ITPR1: variants seen among roughly 807,000 people sequenced by gnomAD.
The protein encoded by ITPR1 is inositol 1,4,5-trisphosphate receptor type 1.
Under a neutral mutation model 318.4 loss-of-function variants are expected in ITPR1, and 96 were observed. That is an observed-to-expected ratio of 0.30 (90% confidence interval 0.26 to 0.36). The LOEUF (loss-of-function observed/expected upper bound fraction) is 0.36, where lower values mean the gene tolerates loss of function less well. Among genes scored for constraint, ITPR1 ranks in the 10% least tolerant of loss-of-function variants. The pLI, the probability that ITPR1 is intolerant of heterozygous loss-of-function variation, is 1.00. For missense variants in ITPR1, 2,440 were observed against 3,460.2 expected, an observed-to-expected ratio of 0.71 and a Z score of 7.40; for synonymous variants, 1,312 against 1,289.9, an observed-to-expected ratio of 1.02 and a Z score of -0.37.
At chr3:4,797,245 T>C (rs2047959383) in intron 53 of ITPR1, among the ~76,000 whole-genome samples, 1 of 151,908 alleles carries the variant, frequency 6.6e-6, no homozygotes, top group South Asian at 2.1e-4. Flanking sequence ...CTTTTTTCCT[T>C]TTGTAAGATG....
At chr3:4,561,008 G>A in intron 4 of ITPR1, among the ~76,000 whole-genome samples, 1 of 152,162 alleles carries the variant, frequency 6.6e-6, no homozygotes, top group Admixed American at 6.5e-5. Flanking sequence ...GATGACTTAG[G>A]TCCTGTGTTC....
At chr3:4,607,693 G>C (rs1180742880) in intron 4 of ITPR1, among the ~76,000 whole-genome samples, 1 of 152,078 alleles carries the variant, frequency 6.6e-6, no homozygotes, top group East Asian at 1.9e-4. Context: ...TGGGGGTGCA[G>C]TCATACGGGT....
At chr3:4,789,792 G>GT (rs1164940927) in intron 52 of ITPR1, among the ~76,000 whole-genome samples, 1 of 152,014 alleles carries the variant, frequency 6.6e-6, no homozygotes, top group Non-Finnish European at 1.5e-5. Flanking sequence ...GCTAATTTTT[G>GT]TATTTGTAAT....
intron 44 of ITPR1, chr3:4,735,755 G>A (rs540934923): frequency 2.3e-5 from 4 of 170,724 alleles, no homozygotes; most frequent in Non-Finnish European, 3.8e-5. Flanking sequence ...GTGCTATTTA[G>A]AAGATTTAAC....
In ITPR1 at chr3:4,846,519, G is replaced by GTATA; in HGVS notation, c.*296_*299dup. On this transcript the variant is annotated 3_prime_UTR_variant, in exon 62 of 62. Transcript: ENST00000649015. ...CTTGAACCAGATTATAGATTTAAAA[G>GTATA]TATATGACATGTATTTTGTATTTAA... 4.4e-6 allele frequency: 1 copy of GTATA among 229,790 alleles called. No individual in the cohort carries two copies. The highest frequency in any genetic ancestry group is 1.4e-4 in the South Asian group (1 of 7,294). 14.2% of individuals were successfully genotyped at this position (229,790 alleles called of 1,614,324 possible).
At chr3:4,764,623 G>T (rs1248575864) in intron 44 of ITPR1, among the ~76,000 whole-genome samples, 1 of 152,218 alleles carries the variant, frequency 6.6e-6, no homozygotes, top group Non-Finnish European at 1.5e-5. Context: ...TGCTGTAGGG[G>T]CAGCCTCACT....
At chr3:4,698,272 G>A (rs1280630453) in intron 34 of ITPR1, among the ~76,000 whole-genome samples, 1 of 138,928 alleles carries the variant, frequency 7.2e-6, no homozygotes, top group Non-Finnish European at 1.5e-5. Context: ...TTTTCTGCTT[G>A]ACTGTATGAT....
intron 44 of ITPR1, among the ~76,000 whole-genome samples, chr3:4,762,170 A>AT (rs375285683): frequency 5.2e-4 from 79 of 152,048 alleles, no homozygotes; most frequent in Middle Eastern, 3.4e-3. Context: ...TACCTTTTTA[A>AT]TTTTTTTTAT....
intron 60 of ITPR1, among the ~76,000 whole-genome samples, chr3:4,828,354 T>C (rs2106524741): frequency 6.6e-6 from 1 of 152,328 alleles, no homozygotes; most frequent in African/African-American, 2.4e-5. Flanking sequence ...TAATTGAAAG[T>C]GCAGGGGAAG....
chr3:4,842,687 G>C (rs2051442006), intron 61 of ITPR1, among the ~76,000 whole-genome samples: 1 of 152,124 alleles, frequency 6.6e-6, no homozygotes. Flanking sequence ...TACTATAAAT[G>C]AGACATCTCA....
chr3:4,647,434 G>A (rs1392307690), intron 10 of ITPR1, among the ~76,000 whole-genome samples: 2 of 152,148 alleles, frequency 1.3e-5, no homozygotes, highest in African/African-American at 2.4e-5. Flanking sequence ...TGGATTGGCT[G>A]GATCATATGG....
chr3:4,732,336 G>A (rs527958115), intron 42 of ITPR1, among the ~76,000 whole-genome samples: 1 of 152,114 alleles, frequency 6.6e-6, no homozygotes, highest in South Asian at 2.1e-4. Context: ...AGTCAGAAAG[G>A]TTTTGAAACC....
chr3:4,666,597 A>T (rs1162498567), intron 17 of ITPR1, among the ~76,000 whole-genome samples: 1 of 152,256 alleles, frequency 6.6e-6, no homozygotes, highest in East Asian at 1.9e-4. Context: ...ATACAGGCTG[A>T]AAACCATGGC....
At chr3:4,727,460 A>G (rs2042600091) in intron 42 of ITPR1, among the ~76,000 whole-genome samples, 1 of 152,198 alleles carries the variant, frequency 6.6e-6, no homozygotes, top group African/African-American at 2.4e-5. Context: ...GGTGAAATAT[A>G]AAAGAAAAAG....
In ITPR1 at chr3:4,717,351, CT is replaced by C. The variant is rs755660664; in HGVS notation, c.5104-10del. On this transcript the variant is annotated splice_polypyrimidine_tract_variant and intron_variant, in intron 39 of 61. Coordinates refer to ENST00000649015, the MANE Select transcript of ITPR1 (RefSeq NM_001378452.1). ...TAACATTTCCTTCTCTCTCTCTCCC[CT>C]TTTTTCTTTTCCAGCTAATTTCCAT... 6.9e-6 allele frequency: 11 copies of C among 1,586,784 alleles called. No individual in the cohort carries two copies. In the South Asian group the frequency reaches 8.8e-5, roughly 13 times the overall value.
intron 46 of ITPR1, among the ~76,000 whole-genome samples, chr3:4,773,316 C>T (rs1040119565): frequency 2.6e-5 from 4 of 152,202 alleles, no homozygotes; most frequent in African/African-American, 7.2e-5. Flanking sequence ...ATGAGGAGTG[C>T]TTGAAGTGTG....
At chr3:4,684,382 T>C (rs780835474) in intron 29 of ITPR1, 36 bp downstream of exon 29, 2 of 1,466,364 alleles carry the variant, frequency 1.4e-6, no homozygotes, top group African/African-American at 1.4e-5. Context: ...TTCCTTTCTT[T>C]ATGAATTCTC....
intron 4 of ITPR1, among the ~76,000 whole-genome samples, chr3:4,566,271 C>A (rs2087241530): frequency 6.6e-6 from 1 of 152,104 alleles, no homozygotes; most frequent in Non-Finnish European, 1.5e-5. Flanking sequence ...TAAGAGCCAC[C>A]CTCAACTCGT....
intron 46 of ITPR1, among the ~76,000 whole-genome samples, chr3:4,770,472 C>T (rs2046115240): frequency 6.6e-6 from 1 of 152,190 alleles, no homozygotes; most frequent in Non-Finnish European, 1.5e-5. Context: ...CCAGATCTGA[C>T]TCATGTTGGA....
Sources: allele counts gnomAD v4.1 joint callset (sites outside exome capture counted in the v4.1 genomes callset), GRCh38; gene constraint gnomAD v4.1.1; transcripts MANE v1.5; gene names NCBI Gene and HGNC (gene_info 2026-07-23, HGNC 2026-07-21).